Variants in PCTP observed in about 807,000 individuals in gnomAD.
PCTP encodes the protein START domain-containing protein 2.
A neutral mutation model predicts 31.0 loss-of-function variants in PCTP; 27 were observed. That is an observed-to-expected ratio of 0.87 (90% confidence interval 0.64 to 1.20). PCTP has a LOEUF of 1.20. Ranked by LOEUF, PCTP falls within the 50% of genes most tolerant of loss-of-function variation. The pLI, the probability that PCTP is intolerant of heterozygous loss-of-function variation, is 0.00. For missense variants in PCTP, 287 were observed against 268.2 expected (o/e 1.07, Z -0.49); for synonymous variants, 108 against 101.2 (o/e 1.07, Z -0.40).
At chr17:55,823,711 G>T (rs1905305891), downstream of PCTP, among the ~76,000 whole-genome samples, 1 of 152,170 alleles carries the variant, frequency 6.6e-6, no homozygotes, top group African/African-American at 2.4e-5. Flanking sequence ...TGTAGTCCAG[G>T]CAATTGTCAA....
intron 2 of PCTP, chr17:55,770,714 C>CTT (rs34971113): frequency 3.8e-4 from 55 of 143,078 alleles, no homozygotes; most frequent in Non-Finnish European, 4.5e-4. Context: ...AAGAGGTCAT[C>CTT]TTTTTTTTTT....
chr17:55,837,482 C>A lies in PCTP; in HGVS notation n.506-5245C>A, dbSNP rs544607917. On this transcript the variant is annotated intron_variant and non_coding_transcript_variant, in intron 5 of 5. Coordinates refer to the PCTP transcript ENST00000576221. ...CGATTTGGATGCCCTTAAAACTCGA[C>A]ATGTCTAAAACCTATCTCATCATCT... Among the ~76,000 whole-genome samples, 10 of 152,312 alleles carry A rather than the reference C, an allele frequency of 6.6e-5. No homozygotes were observed. In the East Asian group the frequency reaches 1.4e-3, roughly 21 times the overall value.
chr17:55,768,578 A>G (rs1173813643), intron 2 of PCTP, among the ~76,000 whole-genome samples: 1 of 152,158 alleles, frequency 6.6e-6, no homozygotes, highest in Non-Finnish European at 1.5e-5. Context: ...TAGGTCTTCG[A>G]CTACTGTTAG....
chr17:55,807,015 A>C (rs1912599989), intron 3 of PCTP, among the ~76,000 whole-genome samples: 1 of 152,194 alleles, frequency 6.6e-6, no homozygotes, highest in Admixed American at 6.5e-5. Context: ...ACTTATATAG[A>C]TGTATAGAAA....
At chr17:55,764,779 G>T (rs1270147652) in intron 1 of PCTP, among the ~76,000 whole-genome samples, 1 of 152,140 alleles carries the variant, frequency 6.6e-6, no homozygotes, top group South Asian at 2.1e-4. Flanking sequence ...TACAGAGAGG[G>T]CTTCATTCAT....
At chr17:55,800,407 G>A (rs1477685610) in intron 3 of PCTP, among the ~76,000 whole-genome samples, 1 of 151,824 alleles carries the variant, frequency 6.6e-6, no homozygotes, top group Non-Finnish European at 1.5e-5. Context: ...TTCTTGTGCT[G>A]TGTTTTTCAT....
At chr17:55,790,972 A>G (rs1488499467) in intron 3 of PCTP, among the ~76,000 whole-genome samples, 1 of 151,894 alleles carries the variant, frequency 6.6e-6, no homozygotes, top group Non-Finnish European at 1.5e-5. Context: ...GATCAACGGA[A>G]CAGAACAGAG....
At chr17:55,849,797 T>A in the PCTP span, among the ~76,000 whole-genome samples, 15 of 152,190 alleles carry the variant, frequency 9.9e-5, no homozygotes, top group South Asian at 3.1e-3. Context: ...ATATTTCTCA[T>A]TATCCTAGAT....
rs371963092 is a variant in PCTP at position 55,807,874 on chromosome 17, A to G, written c.318-14887A>G. On this transcript the variant is annotated intron_variant, in intron 3 of 3. Transcript: ENST00000572536. The stretch of plus-strand genomic sequence containing the variant: ...ATCTCCCCCAGATATAAATGCTTCT[A>G]ATTTTTTTGGTACAAAGCATTTTCA... Among the ~76,000 whole-genome samples, 4 of 152,306 alleles carry G rather than the reference A, an allele frequency of 2.6e-5. No homozygotes were observed. The East Asian group carries it at 5.8e-4, about 22-fold the overall frequency.
At chr17:55,773,961 G>T in intron 4 of PCTP, 66 bp downstream of exon 4, 1 of 1,488,788 alleles carries the variant, frequency 6.7e-7, no homozygotes, top group Admixed American at 2.1e-5. Flanking sequence ...CAGGCTGATG[G>T]GGGGACATGT....
intron 1 of PCTP, among the ~76,000 whole-genome samples, chr17:55,763,357 C>T (rs1056754397): frequency 1.3e-5 from 2 of 151,746 alleles, no homozygotes; most frequent in African/African-American, 2.4e-5. Context: ...TTGGTGCACA[C>T]GTTCTGCAAG....
intron 3 of PCTP, among the ~76,000 whole-genome samples, chr17:55,806,637 T>C (rs1182509555): frequency 1.3e-5 from 2 of 152,102 alleles, no homozygotes; most frequent in Admixed American, 1.3e-4. Flanking sequence ...TGAACATCTG[T>C]ACAACTAATG....
intron 2 of PCTP, chr17:55,770,895 CT>C (rs5821104): frequency 0.035 from 10,549 of 304,390 alleles, no homozygotes; most frequent in Middle Eastern, 0.061. Context: ...GATTTTTTTG[CT>C]TTTTTTTTTT....
chr17:55,800,874 T>C (rs559540550), intron 3 of PCTP, among the ~76,000 whole-genome samples: 3 of 152,260 alleles, frequency 2.0e-5, no homozygotes, highest in Admixed American at 6.5e-5. Flanking sequence ...CTTCTAACAG[T>C]CTGGGCCCTC....
intron 3 of PCTP, among the ~76,000 whole-genome samples, chr17:55,804,394 A>G (rs942321378): frequency 1.3e-5 from 2 of 152,316 alleles, no homozygotes; most frequent in South Asian, 4.1e-4. Context: ...AAATCATTCT[A>G]CTATAAAGAC....
chr17:55,820,582 A>G (rs1409266767), intron 3 of PCTP, among the ~76,000 whole-genome samples: 1 of 152,232 alleles, frequency 6.6e-6, no homozygotes, highest in African/African-American at 2.4e-5. Flanking sequence ...CTACATCTTA[A>G]TACTATCACA....
At chr17:55,793,824 C>A (rs1912089415) in intron 3 of PCTP, among the ~76,000 whole-genome samples, 1 of 152,030 alleles carries the variant, frequency 6.6e-6, no homozygotes, top group Non-Finnish European at 1.5e-5. Context: ...GTGGAGATAG[C>A]ATTGTTTCTA....
downstream of PCTP, among the ~76,000 whole-genome samples, chr17:55,825,174 TCGAGGGCATGG>T (rs1315721578): frequency 6.6e-6 from 1 of 152,234 alleles, no homozygotes; most frequent in Non-Finnish European, 1.5e-5. Context: ...TTCTTCTATG[TCGAGGGCATGG>T]CTGAAGTCTT....
chr17:55,795,154 T>C (rs190497743), intron 3 of PCTP, among the ~76,000 whole-genome samples: 1 of 152,182 alleles, frequency 6.6e-6, no homozygotes, highest in South Asian at 2.1e-4. Context: ...CCATCAGTTT[T>C]ATTAAAGGCA....
Sources: allele counts gnomAD v4.1 joint callset (sites outside exome capture counted in the v4.1 genomes callset), GRCh38; gene constraint gnomAD v4.1.1; transcripts MANE v1.5; gene names NCBI Gene and HGNC (gene_info 2026-07-23, HGNC 2026-07-21).